MRAS: variants seen among roughly 807,000 people sequenced by gnomAD.
MRAS encodes the protein muscle RAS oncogene homolog, also known as ras-related protein M-Ras.
A neutral mutation model predicts 20.9 loss-of-function variants in MRAS; 4 were observed. The observed-to-expected ratio is 0.19, with a 90% CI of 0.09 to 0.44. The LOEUF is 0.44. Among genes scored for constraint, MRAS ranks in the 20% least tolerant of loss-of-function variants. MRAS has a pLI of 0.99. For missense variants in MRAS, 154 were observed against 277.5 expected, an observed-to-expected ratio of 0.56 and a Z score of 3.16; for synonymous variants, 98 against 102.9, an observed-to-expected ratio of 0.95 and a Z score of 0.29.
intron 1 of MRAS, among the ~76,000 whole-genome samples, chr3:138,351,718 GA>G (rs1560157418): frequency 6.6e-6 from 1 of 152,226 alleles, no homozygotes; most frequent in Non-Finnish European, 1.5e-5. Context: ...ACAGGAATGG[GA>G]TATCAGTGCC....
chr3:138,375,425 G>T (rs368933026), intron 2 of MRAS, among the ~76,000 whole-genome samples: 15 of 152,188 alleles, frequency 9.9e-5, no homozygotes, highest in Admixed American at 6.5e-4. Context: ...GGAAGAGTTT[G>T]AGTTAAATTG....
intron 2 of MRAS, among the ~76,000 whole-genome samples, chr3:138,377,758 C>T (rs1326977873): frequency 6.6e-6 from 1 of 152,176 alleles, no homozygotes; most frequent in Non-Finnish European, 1.5e-5. Context: ...TCTCTTCTTC[C>T]AAACTCAGAA....
At chr3:138,387,546 C>T (rs2055042824) in intron 2 of MRAS, among the ~76,000 whole-genome samples, 1 of 152,210 alleles carries the variant, frequency 6.6e-6, no homozygotes, top group Non-Finnish European at 1.5e-5. Context: ...TAGCCTTGCC[C>T]TGCCTCTGTC....
At chr3:138,348,481 G>C (rs1357346969), upstream of MRAS, 1 of 152,032 alleles carries the variant, frequency 6.6e-6, no homozygotes, top group Non-Finnish European at 1.5e-5. Flanking sequence ...CAGGGTCGAG[G>C]CACCCGGCCC....
At chr3:138,392,691 T>C (rs1304895187) in intron 2 of MRAS, among the ~76,000 whole-genome samples, 1 of 152,196 alleles carries the variant, frequency 6.6e-6, no homozygotes, top group Non-Finnish European at 1.5e-5. Flanking sequence ...GGCTGGCATG[T>C]TCTTTTTATC....
At chr3:138,375,225 G>T (rs554185668) in intron 2 of MRAS, among the ~76,000 whole-genome samples, 2 of 152,184 alleles carry the variant, frequency 1.3e-5, no homozygotes, top group South Asian at 4.2e-4. Context: ...TGCATCCCTG[G>T]AATAAACCCC....
intron 1 of MRAS, among the ~76,000 whole-genome samples, chr3:138,371,702 C>A (rs2054677477): frequency 1.3e-5 from 2 of 152,176 alleles, no homozygotes. Flanking sequence ...TTCTTCCTGG[C>A]AGGGTCCACA....
At chr3:138,381,017 C>T (rs1160771851) in intron 2 of MRAS, among the ~76,000 whole-genome samples, 2 of 152,102 alleles carry the variant, frequency 1.3e-5, no homozygotes, top group Non-Finnish European at 2.9e-5. Flanking sequence ...TCGTGATCCA[C>T]CCGCCTCGGC....
intron 1 of MRAS, among the ~76,000 whole-genome samples, chr3:138,369,304 G>C (rs1364892671): frequency 1.3e-5 from 2 of 152,188 alleles, no homozygotes; most frequent in Non-Finnish European, 2.9e-5. Flanking sequence ...AGGCATCATT[G>C]TGGCGTCTGT....
intron 2 of MRAS, among the ~76,000 whole-genome samples, chr3:138,383,721 C>A (rs905249951): frequency 2.0e-5 from 3 of 152,170 alleles, no homozygotes; most frequent in Non-Finnish European, 2.9e-5. Context: ...GCTAATGTAC[C>A]CATCTCTCTT....
intron 1 of MRAS, among the ~76,000 whole-genome samples, chr3:138,367,068 G>GCCA (rs2054574712): frequency 6.6e-6 from 1 of 152,070 alleles, no homozygotes. Flanking sequence ...GAGCCCTGCC[G>GCCA]TTTTGCCATT....
chr3:138,369,276 A>G (rs1229055624), intron 1 of MRAS, among the ~76,000 whole-genome samples: 1 of 152,220 alleles, frequency 6.6e-6, no homozygotes, highest in East Asian at 1.9e-4. Flanking sequence ...TGTGCACAGT[A>G]AACACTTAGA....
intron 5 of MRAS, among the ~76,000 whole-genome samples, chr3:138,401,368 C>G (rs2055356252): frequency 6.6e-6 from 1 of 152,192 alleles, no homozygotes. Context: ...GCTCTAACCC[C>G]CACTATACAC....
intron 2 of MRAS, among the ~76,000 whole-genome samples, chr3:138,380,917 G>A (rs894926175): frequency 6.6e-6 from 1 of 151,720 alleles, no homozygotes; most frequent in Non-Finnish European, 1.5e-5. Context: ...CTATAGGCAC[G>A]TGCCACCACA....
At chr3:138,387,457 G>A (rs1054992226) in intron 2 of MRAS, among the ~76,000 whole-genome samples, 2 of 152,214 alleles carry the variant, frequency 1.3e-5, no homozygotes, top group African/African-American at 4.8e-5. Context: ...GAGGAGCAGA[G>A]CAAGGCTTGG....
At chr3:138,351,954 C>A (rs1389010566) in intron 1 of MRAS, among the ~76,000 whole-genome samples, 2 of 152,236 alleles carry the variant, frequency 1.3e-5, no homozygotes, top group Admixed American at 1.3e-4. Flanking sequence ...AGGCACGTGA[C>A]TTCTCTAATG....
At chr3:138,393,898 C>T (rs537245791) in intron 2 of MRAS, among the ~76,000 whole-genome samples, 2 of 152,158 alleles carry the variant, frequency 1.3e-5, no homozygotes, top group East Asian at 3.9e-4. Flanking sequence ...ACGATGTTGG[C>T]CAGGCTGGTC....
chr3:138,355,726 T>C (rs554669067), intron 1 of MRAS, among the ~76,000 whole-genome samples: 1 of 151,710 alleles, frequency 6.6e-6, no homozygotes, highest in East Asian at 1.9e-4. Context: ...TGGTCAGGAG[T>C]TCAAGACCAA....
intron 2 of MRAS, among the ~76,000 whole-genome samples, chr3:138,377,464 C>T (rs1422579798): frequency 2.0e-5 from 3 of 152,192 alleles, no homozygotes; most frequent in South Asian, 2.1e-4. Flanking sequence ...AAAAATTAGC[C>T]AGGCCTGGTG....
Sources: allele counts gnomAD v4.1 joint callset (sites outside exome capture counted in the v4.1 genomes callset), GRCh38; gene constraint gnomAD v4.1.1; transcripts MANE v1.5; gene names NCBI Gene and HGNC (gene_info 2026-07-23, HGNC 2026-07-21).